HELZ: variants seen among roughly 807,000 people sequenced by gnomAD.
HELZ encodes ATP-dependent RNA helicase with zinc finger domain.
A neutral mutation model predicts 218.2 loss-of-function variants in HELZ; 23 were observed. The observed-to-expected ratio is 0.11, with a 90% CI of 0.08 to 0.15. The LOEUF (loss-of-function observed/expected upper bound fraction) is 0.15. HELZ is among the 10% of genes least tolerant of loss of function. The pLI is 1.00. For missense variants in HELZ, 1,813 were observed against 2,353.7 expected, an observed-to-expected ratio of 0.77 and a Z score of 4.75; for synonymous variants, 814 against 829.4, an observed-to-expected ratio of 0.98 and a Z score of 0.32.
At chr17:67,095,773 C>G (rs9903485) in intron 31 of HELZ, among the ~76,000 whole-genome samples, 14,660 of 152,182 alleles carry the variant, frequency 0.096, 1,862 homozygotes, top group African/African-American at 0.29. Flanking sequence ...CTCTTCCCAA[C>G]AATCACAACA....
chr17:67,233,121 G>A (rs975445487), intron 3 of HELZ, among the ~76,000 whole-genome samples: 2 of 152,196 alleles, frequency 1.3e-5, no homozygotes, highest in Admixed American at 6.5e-5. Flanking sequence ...GCGAAGAAGC[G>A]AGACTCCGTC....
At position 67,167,503 on chromosome 17, in the gene HELZ, C is replaced by A. The variant is rs1457462262; in HGVS notation, c.1724G>T (p.Cys575Phe). 1.2e-6 allele frequency: 2 copies of A among 1,613,690 alleles called. No individual in the cohort carries two copies. Among genetic ancestry groups the A allele is most frequent in the East Asian group, 2.2e-5 (1 of 44,892 alleles). The change falls in exon 14 of 33, where the codon TGC (cysteine) becomes TTC (phenylalanine). Residue 575 changes from cysteine (C) to phenylalanine (F), a missense_variant. Physicochemically the swap from Cys to Phe is radical, Grantham distance 205. Transcript: ENST00000358691. Reference protein sequence around the residue: ...EYIFLRLSRECCEELNLRPDC... With the variant: ...EYIFLRLSREFCEELNLRPDC... Reference sequence around the variant, plus strand: ...AGGCCGAAGATTAAGTTCTTCACAGCATTCCCTAGATAGCCTTAAAAATAT... The same window carrying A: ...AGGCCGAAGATTAAGTTCTTCACAGAATTCCCTAGATAGCCTTAAAAATAT...
intron 7 of HELZ, among the ~76,000 whole-genome samples, chr17:67,199,861 A>G (rs890916279): frequency 6.6e-6 from 1 of 150,790 alleles, no homozygotes; most frequent in Non-Finnish European, 1.5e-5. Context: ...CCTCCATCTC[A>G]CTCTCCGTGA....
At chr17:67,159,950 TTTAAG>T (rs763513348) in intron 17 of HELZ, among the ~76,000 whole-genome samples, 28 of 152,294 alleles carry the variant, frequency 1.8e-4, no homozygotes, top group East Asian at 3.9e-4. Flanking sequence ...CTAGATTTAA[TTTAAG>T]TTATCATATT....
At position 67,101,541 on chromosome 17, in the gene HELZ, T is replaced by A. The variant is rs531378741; in HGVS notation, c.5241+5628A>T. 3.9e-5 allele frequency among the ~76,000 whole-genome samples: 6 copies of A among 152,234 alleles called. No individual in the cohort carries two copies. In the East Asian group the frequency reaches 9.7e-4, roughly 25 times the overall value. On this transcript the variant is annotated intron_variant, in intron 31 of 32. Coordinates refer to ENST00000358691, the MANE Select transcript of HELZ (RefSeq NM_014877.4). ...TCACAATATGTAATGAAGAAATACATCTTACTCAGAGGTTAGAGTATTAAA... is the reference window on the plus strand; with the variant it reads ...TCACAATATGTAATGAAGAAATACAACTTACTCAGAGGTTAGAGTATTAAA...
At chr17:67,102,308 G>A (rs543437278) in intron 31 of HELZ, among the ~76,000 whole-genome samples, 27 of 152,260 alleles carry the variant, frequency 1.8e-4, no homozygotes, top group Middle Eastern at 3.4e-3. Flanking sequence ...ATCTATAAAT[G>A]CTAGGAAAGG....
At chr17:67,235,606 T>G (rs1740856693) in intron 3 of HELZ, among the ~76,000 whole-genome samples, 1 of 151,928 alleles carries the variant, frequency 6.6e-6, no homozygotes, top group South Asian at 2.1e-4. Flanking sequence ...CACAAGAACT[T>G]GAGAACCACT....
chr17:67,128,970 C>G, intron 23 of HELZ, 115 bp from the exon 24 acceptor site: 1 of 755,724 alleles, frequency 1.3e-6, no homozygotes, highest in Non-Finnish European at 2.2e-6. Context: ...TCCTTAAACC[C>G]AATAGTCATC....
At position 67,203,329 on chromosome 17, in the gene HELZ, C is replaced by T; in HGVS notation, c.362G>A (p.Gly121Glu). Residue 121 changes from glycine (G) to glutamate (E), a missense_variant, in exon 6 of 33, where the codon GGA becomes GAA. This residue lies in a region of HELZ where 714 missense variants were observed against 1,029.2 expected (regional missense o/e 0.69). Transcript: ENST00000358691. ...VSTILAKSLT[G>E]ESLNGMVTKD... is the part of the protein sequence containing the mutation. ...AGCTTATCAACATACCAGGGACTCTCCTGTGAGTGACTTGGCAAGAATGGT... is the reference window on the plus strand; with the variant it reads ...AGCTTATCAACATACCAGGGACTCTTCTGTGAGTGACTTGGCAAGAATGGT... 1 of 1,614,084 alleles carries T rather than the reference C, an allele frequency of 6.2e-7. No homozygotes were observed. The highest frequency in any genetic ancestry group is 8.5e-7 in the Non-Finnish European group (1 of 1,179,962).
At chr17:67,215,340 C>T (rs1486341546) in intron 5 of HELZ, among the ~76,000 whole-genome samples, 7 of 148,388 alleles carry the variant, frequency 4.7e-5, no homozygotes, top group African/African-American at 1.8e-4. Context: ...GTGACTGGAG[C>T]TATTCAAACT....
At chr17:67,182,652 G>A (rs931597070) in intron 12 of HELZ, among the ~76,000 whole-genome samples, 3 of 152,148 alleles carry the variant, frequency 2.0e-5, no homozygotes, top group Admixed American at 6.5e-5. Context: ...AAATCCATAA[G>A]TTAAAGATAA....
chr17:67,226,359 C>G (rs956796660), intron 3 of HELZ, among the ~76,000 whole-genome samples: 3 of 150,364 alleles, frequency 2.0e-5, no homozygotes, highest in African/African-American at 7.3e-5. Context: ...TCAACAGATA[C>G]TCCCAAACAG....
At chr17:67,194,442 A>T (rs531981393) in intron 8 of HELZ, among the ~76,000 whole-genome samples, 1 of 152,332 alleles carries the variant, frequency 6.6e-6, no homozygotes, top group Admixed American at 6.5e-5. Context: ...AAGCTTACAT[A>T]ACAAATTCCA....
chr17:67,201,708 T>G (rs2040173332), intron 6 of HELZ, among the ~76,000 whole-genome samples: 1 of 152,210 alleles, frequency 6.6e-6, no homozygotes, highest in African/African-American at 2.4e-5. Flanking sequence ...CTTTACTCGT[T>G]TTAAATTTAA....
intron 5 of HELZ, among the ~76,000 whole-genome samples, chr17:67,204,236 T>C (rs1344051871): frequency 6.6e-6 from 1 of 152,240 alleles, no homozygotes; most frequent in Non-Finnish European, 1.5e-5. Context: ...TAACATACCA[T>C]ATATATAAAG....
rs561621541 is a variant in HELZ, at chr17:67,106,315, A to AT, written c.5241+853dup. 6.2e-4 allele frequency among the ~76,000 whole-genome samples: 82 copies of AT among 131,746 alleles called. No individual in the cohort carries two copies. The East Asian group carries it at 7.7e-3, about 12-fold the overall frequency. 86.4% of individuals were successfully genotyped at this position (131,746 alleles called of 152,430 possible). A position where few individuals can be genotyped will look rare whatever the true frequency, so the allele number is the denominator to read the frequency against. On this transcript the variant is annotated intron_variant, in intron 31 of 32. Coordinates refer to ENST00000358691, the MANE Select transcript of HELZ (RefSeq NM_014877.4). ...TCTAAGTATTTTACTTTATTTATTT[A>AT]TTTTTTTTTTTGAGACAGAGTCTTG...
rs1416597894 is a variant in HELZ at position 67,108,897 on chromosome 17, T to C, written c.4490-171A>G. On this transcript the variant is annotated intron_variant, in intron 29 of 32. Coordinates refer to ENST00000358691, the MANE Select transcript of HELZ (RefSeq NM_014877.4). The surrounding 1 kb of genome is among the most constrained non-coding windows in gnomAD (Gnocchi z 4.1). ...TGCCAGAAATCAGTTATGGTGATGA[T>C]GATGACAACTCTTCCTCACTTACAT... 6.6e-6 allele frequency among the ~76,000 whole-genome samples: 1 copy of C among 152,198 alleles called. No homozygotes were observed. The highest frequency in any genetic ancestry group is 1.5e-5 in the Non-Finnish European group (1 of 68,028).
intron 32 of HELZ, among the ~76,000 whole-genome samples, chr17:67,081,116 T>C (rs945881640): frequency 1.2e-4 from 18 of 152,322 alleles, no homozygotes; most frequent in Middle Eastern, 3.4e-3. Flanking sequence ...AACACTGTCA[T>C]GGCAGAAACC....
chr17:67,093,805 T>A (rs1437442132), intron 31 of HELZ, among the ~76,000 whole-genome samples: 1 of 151,482 alleles, frequency 6.6e-6, no homozygotes, highest in African/African-American at 2.4e-5. Flanking sequence ...ATATTATTTT[T>A]AAAACTCTAA....
Sources: allele counts gnomAD v4.1 joint callset (sites outside exome capture counted in the v4.1 genomes callset), GRCh38; gene constraint gnomAD v4.1.1; regional missense constraint gnomAD v4.1.1; non-coding constraint Gnocchi (gnomAD v3.1); transcripts MANE v1.5; gene names NCBI Gene and HGNC (gene_info 2026-07-23, HGNC 2026-07-21).